Variants in RAD51C observed in about 807,000 individuals in gnomAD.
The protein encoded by RAD51C is RAD51 paralog C, also known as DNA repair protein RAD51 homolog 3.
RAD51C carries 42 observed loss-of-function variants against 45.0 expected under a neutral mutation model. That is an observed-to-expected ratio of 0.93 (90% CI 0.73 to 1.21). The LOEUF is 1.21. Among genes scored for constraint, RAD51C ranks in the 50% most tolerant of loss-of-function variants. The pLI, the probability that RAD51C is intolerant of heterozygous loss-of-function variation, is 0.00. For synonymous variants in RAD51C, 172 were observed against 159.8 expected, an observed-to-expected ratio of 1.08 and a Z score of -0.58; for missense variants, 474 against 452.2, an observed-to-expected ratio of 1.05 and a Z score of -0.44.
At chr17:58,713,327 A>G (rs143820870) in intron 5 of RAD51C, among the ~76,000 whole-genome samples, 42 of 151,034 alleles carry the variant, frequency 2.8e-4, no homozygotes, top group African/African-American at 9.5e-4. Context: ...TTTTTTTTGT[A>G]TTTGTATTTG....
intron 7 of RAD51C, among the ~76,000 whole-genome samples, chr17:58,726,777 T>G (rs1402035172): frequency 6.6e-6 from 1 of 152,154 alleles, no homozygotes; most frequent in Non-Finnish European, 1.5e-5. Context: ...GGTATGGCTG[T>G]AGACTGAAAA....
chr17:58,714,506 T>G (rs2143884288), intron 5 of RAD51C, among the ~76,000 whole-genome samples: 1 of 152,324 alleles, frequency 6.6e-6, no homozygotes, highest in African/African-American at 2.4e-5. Context: ...TCGCCCAGGT[T>G]GGAGTGCCAT....
Position 58,735,348 on chromosome 17 carries a change from A to C in RAD51C, c.*1126A>C, listed in dbSNP as rs2049591805. The C allele has an allele frequency of 6.6e-6, 1 of 152,236 alleles. No homozygotes were observed. The highest frequency in any genetic ancestry group is 1.9e-4 in the East Asian group (1 of 5,166). The allele number at this position is 152,236 out of a possible 1,614,324, so 9.4% of individuals were successfully genotyped here. A position where few individuals can be genotyped will look rare whatever the true frequency, so the allele number is the denominator to read the frequency against. On this transcript the variant is annotated 3_prime_UTR_variant, in exon 9 of 9. Coordinates refer to ENST00000337432, the MANE Select transcript of RAD51C (RefSeq NM_058216.3). ...GTAGCTGGGACTACAGGGAGGCACT[A>C]CCATGCCCTGCTAATTTTTGGATTT...
intron 8 of RAD51C, 26 bp downstream of exon 8, chr17:58,732,570 A>G: frequency 6.3e-7 from 1 of 1,588,210 alleles, no homozygotes; most frequent in Non-Finnish European, 8.6e-7. Flanking sequence ...TTAGAGTGGG[A>G]TTTTGATATT....
At chr17:58,702,794 T>C (rs1408950952) in intron 3 of RAD51C, among the ~76,000 whole-genome samples, 2 of 151,888 alleles carry the variant, frequency 1.3e-5, no homozygotes, top group Non-Finnish European at 2.9e-5. Context: ...GCCTAGGAAT[T>C]CGAGGTTGCA....
chr17:58,716,188 G>GT (rs1567804490), intron 5 of RAD51C, among the ~76,000 whole-genome samples: 1 of 151,576 alleles, frequency 6.6e-6, no homozygotes, highest in Non-Finnish European at 1.5e-5. Context: ...GAGGCCAATC[G>GT]TTTTGCAAAA....
At chr17:58,714,078 A>G (rs976385832) in intron 5 of RAD51C, among the ~76,000 whole-genome samples, 3 of 150,886 alleles carry the variant, frequency 2.0e-5, no homozygotes, top group African/African-American at 7.3e-5. Flanking sequence ...TCCACCTCCC[A>G]GGTTCCAGAG....
chr17:58,713,117 C>A (rs1053223039), intron 5 of RAD51C, among the ~76,000 whole-genome samples: 1 of 152,108 alleles, frequency 6.6e-6, no homozygotes, highest in Admixed American at 6.6e-5. Context: ...CAGAGCAAGA[C>A]CCTGTCTTCA....
At chr17:58,697,108 T>G (rs901502179) in intron 3 of RAD51C, among the ~76,000 whole-genome samples, 1 of 152,210 alleles carries the variant, frequency 6.6e-6, no homozygotes, top group Admixed American at 6.5e-5. Context: ...TATGTATGTA[T>G]TTCAGTCATC....
At position 58,734,588 on chromosome 17, in the gene RAD51C, G is replaced by GT. The variant is rs34517797; in HGVS notation, c.*389dup. The GT allele has an allele frequency of 0.087, 8,848 of 101,826 alleles. 148 individuals are homozygous for GT. Among genetic ancestry groups the GT allele is most frequent in the African/African-American group, 0.17 (3,390 of 20,408 alleles). The allele number at this position is 101,826 out of a possible 1,614,324, so 6.3% of individuals were successfully genotyped here. ...AAGAAACATATCATATTCTTATTGTGTTTTTTTTTTTTTTTTTTTTTTTGG... is the reference window on the plus strand; with the variant it reads ...AAGAAACATATCATATTCTTATTGTGTTTTTTTTTTTTTTTTTTTTTTTTGG... On this transcript the variant is annotated 3_prime_UTR_variant, in exon 9 of 9. Transcript: ENST00000337432.
rs1463274334 is a variant in RAD51C at position 58,734,489 on chromosome 17, C to T, written c.*267C>T. On this transcript the variant is annotated 3_prime_UTR_variant, in exon 9 of 9. Coordinates refer to ENST00000337432, the MANE Select transcript of RAD51C (RefSeq NM_058216.3). ...TTTCACAAATGTGGAAAGCTGATCT[C>T]ATGTGGCCAGTCTGAATTTACCATT... The T allele has an allele frequency of 3.8e-6, 2 of 525,888 alleles. No homozygotes were observed. 32.6% of individuals were successfully genotyped at this position (525,888 alleles called of 1,614,324 possible). A position where few individuals can be genotyped will look rare whatever the true frequency, so the allele number is the denominator to read the frequency against.
chr17:58,709,906 C>T lies in RAD51C; in HGVS notation c.753C>T (p.Asp251=), dbSNP rs1415231244. ...GTATTGCTTTTCCATTTCGTCATGA[C>T]CTAGATGACCTGTCTCTTCGTACTC... The part of the protein sequence containing the change: ...VDGIAFPFRH[D]LDDLSLRTRL... Residue 251 remains aspartate, a synonymous_variant, in exon 5 of 9, where the codon GAC becomes GAT. Transcript: ENST00000337432. 6.2e-7 allele frequency: 1 copy of T among 1,610,812 alleles called. No individual in the cohort carries two copies. Among genetic ancestry groups the T allele is most frequent in the Non-Finnish European group, 8.5e-7 (1 of 1,177,164 alleles).
chr17:58,703,393 A>G, intron 4 of RAD51C, 64 bp downstream of exon 4: 1 of 1,534,532 alleles, frequency 6.5e-7, no homozygotes, highest in Non-Finnish European at 9.0e-7. Flanking sequence ...ATAAGCATGA[A>G]AAAATAACCA....
At chr17:58,729,492 G>A (rs1031936940) in intron 7 of RAD51C, among the ~76,000 whole-genome samples, 3 of 151,850 alleles carry the variant, frequency 2.0e-5, no homozygotes, top group African/African-American at 7.3e-5. Flanking sequence ...TGGGATTACA[G>A]GTGTGAGCCA....
chr17:58,726,717 C>T (rs1231530589), intron 7 of RAD51C, among the ~76,000 whole-genome samples: 1 of 151,854 alleles, frequency 6.6e-6, no homozygotes, highest in African/African-American at 2.4e-5. Flanking sequence ...TTATTTTCCA[C>T]GTAAATCTTT....
intron 5 of RAD51C, among the ~76,000 whole-genome samples, chr17:58,715,996 T>C (rs2048718720): frequency 6.6e-6 from 1 of 151,844 alleles, no homozygotes; most frequent in East Asian, 1.9e-4. Context: ...TCCTAGCTAC[T>C]TGGGAGGCTG....
chr17:58,726,611 T>G (rs895606331), intron 7 of RAD51C, among the ~76,000 whole-genome samples: 2 of 148,904 alleles, frequency 1.3e-5, no homozygotes, highest in Non-Finnish European at 3.0e-5. Context: ...TATACGTGTA[T>G]GTATATATGT....
chr17:58,695,446 C>T (rs2047970499), intron 2 of RAD51C: 3 of 949,478 alleles, frequency 3.2e-6, no homozygotes, highest in Non-Finnish European at 4.2e-6. Context: ...CAGGAAGTTT[C>T]TGCGTTATTC....
At position 58,734,259 on chromosome 17, in the gene RAD51C, T is replaced by C. The variant is rs772459278; in HGVS notation, c.*37T>C. ...ATCTCAAAGTGTACAAATTTATTGA[T>C]GTTGTGAAATCAATGTGTACAAGTG... On this transcript the variant is annotated 3_prime_UTR_variant, in exon 9 of 9. Coordinates refer to ENST00000337432, the MANE Select transcript of RAD51C (RefSeq NM_058216.3). 6.3e-7 allele frequency: 1 copy of C among 1,589,150 alleles called. No individual in the cohort carries two copies. Among genetic ancestry groups the C allele is most frequent in the Non-Finnish European group, 8.6e-7 (1 of 1,164,694 alleles).
Sources: allele counts gnomAD v4.1 joint callset (sites outside exome capture counted in the v4.1 genomes callset), GRCh38; gene constraint gnomAD v4.1.1; transcripts MANE v1.5; gene names NCBI Gene and HGNC (gene_info 2026-07-23, HGNC 2026-07-21).